Variants in SESTD1 observed in about 807,000 individuals in gnomAD.
SESTD1 encodes SEC14 domain and spectrin repeat-containing protein 1.
SESTD1 carries 43 observed loss-of-function variants against 101.7 expected under a neutral mutation model. The ratio of observed to expected loss-of-function variants is 0.42; its 90% CI spans 0.33 to 0.55. SESTD1 has a LOEUF of 0.55. Among genes scored for constraint, SESTD1 ranks in the 20% least tolerant of loss-of-function variants. SESTD1 has a pLI of 0.07. For missense variants in SESTD1, 647 were observed against 815.1 expected (o/e 0.79, Z 2.51); for synonymous variants, 283 against 286.8 (o/e 0.99, Z 0.13).
intron 1 of SESTD1, among the ~76,000 whole-genome samples, chr2:179,235,688 C>T (rs566500504): frequency 2.2e-4 from 33 of 152,280 alleles, no homozygotes; most frequent in African/African-American, 7.9e-4. Flanking sequence ...TCCACTCACC[C>T]GCCTTTACGC....
Position 179,251,784 on chromosome 2 carries a change from T to C in SESTD1, c.-26+12715A>G, listed in dbSNP as rs532912921. The stretch of plus-strand genomic sequence containing the variant: ...GAGTTCCCTTGCCCTTTTTCCCATA[T>C]GAAGACACAGCAAGAAGATGGTCAA... On this transcript the variant is annotated intron_variant, in intron 1 of 17. Transcript: ENST00000428443. 9.8e-5 allele frequency among the ~76,000 whole-genome samples: 15 copies of C among 152,290 alleles called. No individual in the cohort carries two copies. In the South Asian group the frequency reaches 2.9e-3, roughly 29 times the overall value.
intron 7 of SESTD1, among the ~76,000 whole-genome samples, chr2:179,148,051 CCTAA>C (rs749663367): frequency 1.2e-4 from 19 of 152,296 alleles, no homozygotes; most frequent in Non-Finnish European, 1.9e-4. Context: ...TGGAAACATT[CCTAA>C]CTGCTTGTGA....
At chr2:179,196,728 C>G (rs1175406393) in intron 1 of SESTD1, among the ~76,000 whole-genome samples, 1 of 152,124 alleles carries the variant, frequency 6.6e-6, no homozygotes, top group East Asian at 1.9e-4. Context: ...GGTACTCCAA[C>G]AGACCTGCAG....
At chr2:179,135,156 G>A (rs543454284) in intron 9 of SESTD1, among the ~76,000 whole-genome samples, 1 of 152,134 alleles carries the variant, frequency 6.6e-6, no homozygotes, top group South Asian at 2.1e-4. Context: ...TCTTGGCCAG[G>A]CTGGTCTCAA....
intron 2 of SESTD1, 48 bp from the exon 3 acceptor site, chr2:179,183,236 T>C (rs190212519): frequency 3.4e-6 from 4 of 1,160,576 alleles, no homozygotes; most frequent in Admixed American, 4.0e-5. Flanking sequence ...TATTAAGGCA[T>C]AATCTGAATA....
At position 179,202,827 on chromosome 2, in the gene SESTD1, T is replaced by C. The variant is rs555348506; in HGVS notation, c.-25-10961A>G. ...GTCACCAGTTTCATCTTGACATGCT[T>C]CCCCTCTCTGATGAGTGCCTTCCTC... On this transcript the variant is annotated intron_variant, in intron 1 of 17. Transcript: ENST00000428443. Among the ~76,000 whole-genome samples the C allele has an allele frequency of 6.1e-4, 82 of 135,248 alleles. 14 individuals carry two copies. Among genetic ancestry groups the C allele is most frequent in the Non-Finnish European group, 1.1e-3 (68 of 62,734 alleles). The allele number at this position is 135,248 out of a possible 152,430, so 88.7% of individuals were successfully genotyped here.
chr2:179,114,740 C>T (rs779487042), intron 16 of SESTD1, among the ~76,000 whole-genome samples: 12 of 151,906 alleles, frequency 7.9e-5, no homozygotes, highest in African/African-American at 1.7e-4. Flanking sequence ...CCAGGCATAA[C>T]GAAAGAGATT....
Position 179,106,686 on chromosome 2 carries a change from T to C in SESTD1, c.*3213A>G, listed in dbSNP as rs1398291083. On this transcript the variant is annotated 3_prime_UTR_variant, in exon 18 of 18. Coordinates refer to ENST00000428443, the MANE Select transcript of SESTD1 (RefSeq NM_178123.5). ...TTTGTATAAAGTGAGAAGTATTCAA[T>C]CTTCTACCTAACAATGAAGCCTAGA... 3 of 152,134 alleles carry C rather than the reference T, an allele frequency of 2.0e-5. No homozygotes were observed. The highest frequency in any genetic ancestry group is 4.4e-5 in the Non-Finnish European group (3 of 68,024). The allele number at this position is 152,134 out of a possible 1,614,324, so 9.4% of individuals were successfully genotyped here.
At chr2:179,160,634 T>C (rs1223411421) in intron 5 of SESTD1, among the ~76,000 whole-genome samples, 1 of 152,062 alleles carries the variant, frequency 6.6e-6, no homozygotes, top group Non-Finnish European at 1.5e-5. Flanking sequence ...AAACAATCCA[T>C]TGCCTGTGAA....
chr2:179,134,536 A>T (rs903739812), intron 9 of SESTD1, among the ~76,000 whole-genome samples: 1 of 152,206 alleles, frequency 6.6e-6, no homozygotes, highest in Non-Finnish European at 1.5e-5. Flanking sequence ...GGAACATAGG[A>T]TGTTTCCAAT....
chr2:179,176,052 C>CA (rs2046006678), intron 4 of SESTD1, among the ~76,000 whole-genome samples: 1 of 152,138 alleles, frequency 6.6e-6, no homozygotes, highest in African/African-American at 2.4e-5. Context: ...CTTCAAACTA[C>CA]ACTTAACCAA....
chr2:179,127,260 G>A (rs781191632), intron 10 of SESTD1, among the ~76,000 whole-genome samples: 1 of 152,056 alleles, frequency 6.6e-6, no homozygotes, highest in Non-Finnish European at 1.5e-5. Context: ...CCCTTTGTTT[G>A]GATTACTTCT....
chr2:179,234,542 C>T (rs1006312822), intron 1 of SESTD1, among the ~76,000 whole-genome samples: 9 of 152,164 alleles, frequency 5.9e-5, no homozygotes, highest in African/African-American at 2.2e-4. Context: ...CTTTGTGGGG[C>T]TGAGGCGGGT....
At chr2:179,261,973 C>T (rs2047489658) in intron 1 of SESTD1, among the ~76,000 whole-genome samples, 1 of 152,066 alleles carries the variant, frequency 6.6e-6, no homozygotes. Context: ...AACCCAAATG[C>T]CCATCAGTTG....
chr2:179,132,264 CATA>C (rs2045029695), intron 10 of SESTD1, 37 bp downstream of exon 10: 1 of 1,511,592 alleles, frequency 6.6e-7, no homozygotes, highest in Non-Finnish European at 8.8e-7. Context: ...TACCCACGTT[CATA>C]ATATCATTGT....
rs2044327441 is a variant in SESTD1 at position 179,103,992 on chromosome 2, A to G, written c.*5907T>C. Reference sequence around the variant, plus strand: ...GACAAAGCAAGCATAGGTAATGCTAATTAGCATCTAGGTAGTGAGTACACT... The same window carrying G: ...GACAAAGCAAGCATAGGTAATGCTAGTTAGCATCTAGGTAGTGAGTACACT... On this transcript the variant is annotated 3_prime_UTR_variant, in exon 18 of 18. Coordinates refer to ENST00000428443, the MANE Select transcript of SESTD1 (RefSeq NM_178123.5). The G allele has an allele frequency of 1.3e-5, 2 of 152,214 alleles. No individual in the cohort carries two copies. The highest frequency in any genetic ancestry group is 1.3e-4 in the Admixed American group (2 of 15,270). 9.4% of individuals were successfully genotyped at this position (152,214 alleles called of 1,614,324 possible). A position where few individuals can be genotyped will look rare whatever the true frequency, so the allele number is the denominator to read the frequency against.
At chr2:179,190,781 A>G (rs988612982) in intron 2 of SESTD1, among the ~76,000 whole-genome samples, 2 of 152,238 alleles carry the variant, frequency 1.3e-5, no homozygotes, top group African/African-American at 2.4e-5. Context: ...AAGCATGCAC[A>G]TCACAGATAA....
intron 3 of SESTD1, among the ~76,000 whole-genome samples, chr2:179,180,045 T>C (rs1298139649): frequency 6.6e-6 from 1 of 152,200 alleles, no homozygotes; most frequent in African/African-American, 2.4e-5. Context: ...TCACTCTGAC[T>C]CTTTTCATGC....
intron 1 of SESTD1, among the ~76,000 whole-genome samples, chr2:179,240,893 G>A (rs1370190421): frequency 2.0e-5 from 3 of 152,132 alleles, no homozygotes; most frequent in Non-Finnish European, 4.4e-5. Flanking sequence ...AAGGGGCGCT[G>A]TTAGAATGAT....
Sources: gnomAD v4.1 joint callset for allele counts (sites outside exome capture counted in the v4.1 genomes callset) on GRCh38, gnomAD v4.1.1 for gene constraint, MANE v1.5 for transcripts, NCBI Gene and HGNC (gene_info 2026-07-23, HGNC 2026-07-21) for gene names.